ADAMTS9: variants seen among roughly 807,000 people sequenced by gnomAD.
The protein encoded by ADAMTS9 is A disintegrin and metalloproteinase with thrombospondin motifs 9.
In ADAMTS9, 107 loss-of-function variants were observed where a neutral mutation model predicts 257.1. The observed-to-expected ratio is 0.42, with a 90% CI of 0.36 to 0.49. ADAMTS9 has a LOEUF of 0.49. Ranked by LOEUF, ADAMTS9 falls within the 20% of genes least tolerant of loss-of-function variation. The pLI is 0.03. For missense variants in ADAMTS9, 2,353 were observed against 2,469.1 expected (o/e 0.95, Z 1.00); for synonymous variants, 982 against 880.9 (o/e 1.11, Z -2.03).
intron 30 of ADAMTS9, among the ~76,000 whole-genome samples, chr3:64,555,297 T>C (rs184481777): frequency 5.3e-4 from 80 of 152,344 alleles, no homozygotes; most frequent in African/African-American, 1.9e-3. Flanking sequence ...TGCTCCCAAA[T>C]AGTATATATT....
chr3:64,612,795 A>T (rs2084690756), intron 22 of ADAMTS9, among the ~76,000 whole-genome samples: 1 of 152,176 alleles, frequency 6.6e-6, no homozygotes, highest in South Asian at 2.1e-4. Flanking sequence ...AGAATAGCTC[A>T]AGTTAAGACT....
chr3:64,541,125 T>C lies in ADAMTS9; in HGVS notation c.5491A>G (p.Arg1831Gly), dbSNP rs757360848. The stretch of plus-strand genomic sequence containing the variant: ...ATCTGCATGCTGGTCAGGTCTATTC[T>C]GATTTTCTGAAAACTGGAAAACCCA... ...AAGFSSFQKI[R>G]IDLTSMQIIT... is the part of the protein sequence containing the mutation. Residue 1831 changes from arginine to glycine, a missense_variant, in exon 36 of 40, where the codon AGA (arginine) becomes GGA (glycine). Physicochemically the swap from Arg to Gly is moderately radical, Grantham distance 125 (BLOSUM62 -2). Transcript: ENST00000498707. The C allele has an allele frequency of 4.3e-6, 7 of 1,614,046 alleles. No homozygotes were observed. The highest frequency in any genetic ancestry group is 4.0e-5 in the African/African-American group (3 of 74,946).
At chr3:64,656,750 G>A (rs971444518) in intron 4 of ADAMTS9, among the ~76,000 whole-genome samples, 45 of 152,086 alleles carry the variant, frequency 3.0e-4, no homozygotes, top group African/African-American at 8.7e-4. Context: ...TGAGCGGCAT[G>A]TGGGGGTGAG....
intron 11 of ADAMTS9, among the ~76,000 whole-genome samples, chr3:64,642,856 A>C (rs1327726376): frequency 6.6e-6 from 1 of 152,176 alleles, no homozygotes; most frequent in African/African-American, 2.4e-5. Flanking sequence ...CACAGCCACC[A>C]AGAGGGGAGA....
rs1701960320 is a variant in ADAMTS9 at position 64,687,787 on chromosome 3, T to A, written c.-130A>T. 1 of 643,492 alleles carries A rather than the reference T, an allele frequency of 1.6e-6. No homozygotes were observed. The highest frequency in any genetic ancestry group is 2.6e-5 in the South Asian group (1 of 38,960). 39.9% of individuals were successfully genotyped at this position (643,492 alleles called of 1,614,324 possible). ...GGCGCCCGCCGCCAACTTTTGACTT[T>A]AGGAGTCGCTGAGGTCTCGCTGCGA... On this transcript the variant is annotated 5_prime_UTR_variant, in exon 1 of 40. It removes the in-frame stop codon of an upstream open reading frame in the 5' UTR. Coordinates refer to ENST00000498707, the MANE Select transcript of ADAMTS9 (RefSeq NM_182920.2). The surrounding 1 kb of genome is among the most constrained non-coding windows in gnomAD (Gnocchi z 4.4).
At chr3:64,634,170 A>G (rs1172196176) in intron 12 of ADAMTS9, among the ~76,000 whole-genome samples, 4 of 152,136 alleles carry the variant, frequency 2.6e-5, no homozygotes, top group Admixed American at 6.5e-5. Flanking sequence ...TGTATAGCTT[A>G]AAATATGAGA....
chr3:64,568,242 C>A, intron 29 of ADAMTS9, 126 bp downstream of exon 29: 1 of 947,632 alleles, frequency 1.1e-6, no homozygotes, highest in East Asian at 2.7e-5. Context: ...AATGATTCTC[C>A]CCTCCCAGTC....
chr3:64,637,198 T>C (rs893717766), intron 12 of ADAMTS9, among the ~76,000 whole-genome samples: 3 of 152,342 alleles, frequency 2.0e-5, no homozygotes, highest in Middle Eastern at 3.4e-3. Context: ...GACTATGTAA[T>C]AGAGAAAGCT....
At chr3:64,589,952 T>C (rs1453856574) in intron 28 of ADAMTS9, 1 of 152,208 alleles carries the variant, frequency 6.6e-6, no homozygotes, top group Non-Finnish European at 1.5e-5. Flanking sequence ...TAATCAAATT[T>C]GTGCACATTA....
intron 3 of ADAMTS9, among the ~76,000 whole-genome samples, chr3:64,661,203 A>T (rs946275348): frequency 6.6e-6 from 1 of 152,214 alleles, no homozygotes; most frequent in African/African-American, 2.4e-5. Context: ...GGTACATAAG[A>T]TGTAACATTA....
chr3:64,654,684 T>C (rs1464433627), intron 6 of ADAMTS9, 72 bp from the exon 7 acceptor site: 1 of 1,540,626 alleles, frequency 6.5e-7, no homozygotes, highest in East Asian at 2.3e-5. Flanking sequence ...TACTTTAGGG[T>C]CGTCTAGGCA....
intron 12 of ADAMTS9, among the ~76,000 whole-genome samples, chr3:64,635,483 G>A (rs992722936): frequency 2.0e-5 from 3 of 152,182 alleles, no homozygotes; most frequent in East Asian, 1.9e-4. Context: ...TAACACAGTC[G>A]TGTCTACGTC....
chr3:64,639,182 C>A (rs1285331350), intron 12 of ADAMTS9, among the ~76,000 whole-genome samples: 1 of 151,860 alleles, frequency 6.6e-6, no homozygotes, highest in African/African-American at 2.4e-5. Context: ...TTGTAACCTC[C>A]GTATTCAGAG....
intron 13 of ADAMTS9, 36 bp downstream of exon 13, chr3:64,633,662 C>T (rs373128714): frequency 6.8e-6 from 11 of 1,613,548 alleles, no homozygotes; most frequent in South Asian, 3.3e-5. Context: ...CAGTGCCGGC[C>T]GGCCAACGGT....
chr3:64,522,311 G>A (rs370686756), intron 38 of ADAMTS9, 51 bp from the exon 39 acceptor site: 3 of 1,530,968 alleles, frequency 2.0e-6, no homozygotes, highest in African/African-American at 2.7e-5. Context: ...ATGCTTTCAG[G>A]GCCTGCACTG....
At position 64,654,609 on chromosome 3, in the gene ADAMTS9, C is replaced by G. The variant is rs1185987042; in HGVS notation, c.1173G>C (p.Gln391His). The G allele has an allele frequency of 3.1e-6, 5 of 1,614,016 alleles. No individual in the cohort carries two copies. The East Asian group carries it at 1.1e-4, about 36-fold the overall frequency. Residue 391 changes from glutamine to histidine, a missense_variant, in exon 7 of 40, where the codon CAG becomes CAC. By Grantham distance (24) the Gln-to-His change is conservative. This residue lies in a region of ADAMTS9 where 591 missense variants were observed against 569.6 expected (regional missense o/e 1.04). Transcript: ENST00000498707. ...ATTTGTCGTGAGCTCTGCAGATATC[C>G]TGTCTGAAAGCAAAGCAGACTTAGG... Reference protein sequence around the residue: ...HHDTAVLLTRQDICRAHDKCD... With the variant: ...HHDTAVLLTRHDICRAHDKCD...
In ADAMTS9 at chr3:64,538,838, T is replaced by A. The variant is rs542246499; in HGVS notation, c.5613+365A>T. Among the ~76,000 whole-genome samples, 24 of 152,260 alleles carry A rather than the reference T, an allele frequency of 1.6e-4. No individual in the cohort carries two copies. In the South Asian group the frequency reaches 5.0e-3, roughly 32 times the overall value. On this transcript the variant is annotated intron_variant, in intron 37 of 39. Coordinates refer to ENST00000498707, the MANE Select transcript of ADAMTS9 (RefSeq NM_182920.2). ...GTTACAAAGCAGGACCTTTTTTTTT[T>A]AGAAGTGTCAGTCATTAAATATTTA...
intron 3 of ADAMTS9, among the ~76,000 whole-genome samples, chr3:64,672,870 G>C (rs1158319635): frequency 6.6e-6 from 1 of 152,190 alleles, no homozygotes; most frequent in Non-Finnish European, 1.5e-5. Context: ...GTCCATGATG[G>C]AATGCAGATA....
At chr3:64,568,240 T>C in intron 29 of ADAMTS9, 128 bp downstream of exon 29, 1 of 933,770 alleles carries the variant, frequency 1.1e-6, no homozygotes. Context: ...GTAATGATTC[T>C]CCCCTCCCAG....
Sources: allele counts gnomAD v4.1 joint callset (sites outside exome capture counted in the v4.1 genomes callset), GRCh38; gene constraint gnomAD v4.1.1; regional missense constraint gnomAD v4.1.1; non-coding constraint Gnocchi (gnomAD v3.1); transcripts MANE v1.5; gene names NCBI Gene and HGNC (gene_info 2026-07-23, HGNC 2026-07-21).